Variants in PCLO observed in about 807,000 individuals in gnomAD.
PCLO encodes piccolo presynaptic cytomatrix protein.
Under a neutral mutation model 427.5 loss-of-function variants are expected in PCLO, and 82 were observed. The observed-to-expected ratio is 0.19, with a 90% CI of 0.16 to 0.23. The LOEUF (loss-of-function observed/expected upper bound fraction) is 0.23, where lower values mean the gene tolerates loss of function less well. Among genes scored for constraint, PCLO ranks in the 10% least tolerant of loss-of-function variants. The pLI is 1.00. For missense variants in PCLO, 6,239 were observed against 6,115.9 expected (o/e 1.02, Z -0.67); for synonymous variants, 2,357 against 2,155.4 (o/e 1.09, Z -2.59).
At chr7:82,996,761 C>A (rs1193710432) in intron 3 of PCLO, among the ~76,000 whole-genome samples, 1 of 151,952 alleles carries the variant, frequency 6.6e-6, no homozygotes, top group Non-Finnish European at 1.5e-5. Flanking sequence ...ACTATAGTGA[C>A]TTTCTCTTTG....
At chr7:82,772,033 G>C (rs1005417856) in intron 22 of PCLO, among the ~76,000 whole-genome samples, 3 of 152,020 alleles carry the variant, frequency 2.0e-5, no homozygotes, top group African/African-American at 4.8e-5. Flanking sequence ...TTGCTCTTCA[G>C]ACGTTTTATA....
chr7:83,154,363 T>C (rs958590276), intron 2 of PCLO, among the ~76,000 whole-genome samples: 96 of 152,350 alleles, frequency 6.3e-4, no homozygotes, highest in Non-Finnish European at 7.5e-4. Context: ...CCACTTTTTT[T>C]CTAACACAAA....
chr7:83,093,492 A>ATATATATATATATATTTTTTTTTTTTTTT, intron 3 of PCLO, among the ~76,000 whole-genome samples: 1 of 59,342 alleles, frequency 1.7e-5, no homozygotes, highest in African/African-American at 5.4e-5. Flanking sequence ...ATATATATAT[A>ATATATATATATATATTTTTTTTTTTTTTT]TTTTTTTTTT....
At position 82,916,424 on chromosome 7, in the gene PCLO, C is replaced by T. The variant is rs776904598; in HGVS notation, c.11562G>A (p.Glu3854=). ...CAGTTTGGGGAGCAGTTCTTGGTCG[C>T]TCAATGCCATGCTGACTTTCTATTC... The part of the protein sequence containing the change: ...PTRIESQHGI[E]RPRTAPQTEF... The change falls in exon 7 of 25, where the codon GAG becomes GAA. Residue 3854 remains glutamate, a synonymous_variant. Coordinates refer to ENST00000333891, the MANE Select transcript of PCLO (RefSeq NM_033026.6). 1.9e-6 allele frequency: 3 copies of T among 1,613,680 alleles called. No homozygotes were observed. The South Asian group carries it at 3.3e-5, about 18-fold the overall frequency.
chr7:82,765,150 T>C (rs1790507878), intron 22 of PCLO, among the ~76,000 whole-genome samples: 2 of 151,728 alleles, frequency 1.3e-5, no homozygotes, highest in Admixed American at 1.3e-4. Flanking sequence ...AATACAGAAG[T>C]TCTGAAAAAT....
chr7:82,791,916 A>T (rs890309679), intron 22 of PCLO, among the ~76,000 whole-genome samples: 9 of 152,076 alleles, frequency 5.9e-5, no homozygotes, highest in Non-Finnish European at 1.2e-4. Context: ...TGTCATTTTT[A>T]AAAATTCTGA....
chr7:83,096,069 T>G (rs1377964237), intron 3 of PCLO, among the ~76,000 whole-genome samples: 1 of 152,088 alleles, frequency 6.6e-6, no homozygotes, highest in East Asian at 1.9e-4. Flanking sequence ...CTAACACACC[T>G]CAATTTCAAC....
chr7:82,802,384 A>G (rs1791373331), intron 21 of PCLO, among the ~76,000 whole-genome samples: 1 of 152,176 alleles, frequency 6.6e-6, no homozygotes, highest in Admixed American at 6.5e-5. Flanking sequence ...TTCAACCAAA[A>G]TCTGCTAATC....
Position 83,154,990 on chromosome 7 carries a change from C to T in PCLO, c.1651G>A (p.Ala551Thr). ...CTTACTGGTTTTGTAGATTGCTGAG[C>T]CGAGGGCTTTGCTGGGCTAGGCTGT... Reference protein sequence around the residue: ...AQQPSPAKPSAQQSTKPVSQT... With the variant: ...AQQPSPAKPSTQQSTKPVSQT... Residue 551 changes from alanine to threonine, a missense_variant, in exon 2 of 25, where the codon GCT (alanine) becomes ACT (threonine). Transcript: ENST00000333891. 2.5e-6 allele frequency: 4 copies of T among 1,613,950 alleles called. No homozygotes were observed. The highest frequency in any genetic ancestry group is 3.4e-6 in the Non-Finnish European group (4 of 1,179,874).
intron 22 of PCLO, among the ~76,000 whole-genome samples, chr7:82,766,171 A>C (rs1790528348): frequency 6.6e-6 from 1 of 152,112 alleles, no homozygotes; most frequent in Non-Finnish European, 1.5e-5. Context: ...CTAGGAAAAA[A>C]TCAAAATAAA....
rs116200915 is a variant in PCLO at position 82,950,241 on chromosome 7, G to A, written c.10347C>T (p.Asp3449=). The A allele has an allele frequency of 5.8e-4, 937 of 1,612,516 alleles. 3 individuals are homozygous for A. The African/African-American group carries it at 0.011, about 18-fold the overall frequency. Residue 3449 remains aspartate (D), a synonymous_variant, in exon 6 of 25, where the codon GAC becomes GAT. Transcript: ENST00000333891. The stretch of plus-strand genomic sequence containing the variant: ...CATAGCTCCGATCTGTGGCATCTTC[G>A]TCATCCGTTTGTACACCACTGTCCA... ...KIVDSGVQTD[D]EDATDRSYVS... is the part of the protein sequence containing the mutation.
intron 10 of PCLO, among the ~76,000 whole-genome samples, chr7:82,874,916 C>T (rs556415086): frequency 5.3e-5 from 8 of 152,232 alleles, no homozygotes; most frequent in African/African-American, 1.7e-4. Flanking sequence ...AGCCTCAACA[C>T]TGTTGGTCAA....
chr7:82,904,840 A>C (rs1014141214), intron 8 of PCLO, among the ~76,000 whole-genome samples: 2 of 152,016 alleles, frequency 1.3e-5, no homozygotes, highest in Non-Finnish European at 2.9e-5. Flanking sequence ...CATCTCATAC[A>C]ATCTCCTATA....
rs568651990 is a variant in PCLO, at chr7:82,928,678, A to T, written c.11113-11805T>A. Among the ~76,000 whole-genome samples the T allele has an allele frequency of 3.8e-4, 58 of 152,236 alleles. No homozygotes were observed. In the East Asian group the frequency reaches 9.3e-3, roughly 24 times the overall value. On this transcript the variant is annotated intron_variant, in intron 6 of 24. Coordinates refer to ENST00000333891, the MANE Select transcript of PCLO (RefSeq NM_033026.6). ...GCATGAGCCACCGCGCCTGGCCTGA[A>T]AGAGAAATATTTTAAACATGGGTAT...
In PCLO at chr7:83,073,911, A is replaced by G. The variant is rs140866251; in HGVS notation, c.3300+60339T>C. On this transcript the variant is annotated intron_variant, in intron 3 of 24. Transcript: ENST00000333891. ...TCCAGGTAAAAAGAACTTCAGAGCA[A>G]TTAAAACAAGTCCCATTTAGATATT... Among the ~76,000 whole-genome samples, 83 of 151,776 alleles carry G rather than the reference A, an allele frequency of 5.5e-4. 1 individual carries two copies. The East Asian group carries it at 0.014, about 25-fold the overall frequency.
chr7:82,938,298 T>A (rs1795002578), intron 6 of PCLO, among the ~76,000 whole-genome samples: 2 of 151,976 alleles, frequency 1.3e-5, no homozygotes. Context: ...AGCAAGACAC[T>A]GTATTTCTAA....
At chr7:83,148,012 T>C (rs1792036869) in intron 2 of PCLO, among the ~76,000 whole-genome samples, 1 of 152,198 alleles carries the variant, frequency 6.6e-6, no homozygotes, top group East Asian at 1.9e-4. Context: ...ATTATCTGTT[T>C]TTAGGAATAG....
At chr7:83,048,693 C>G (rs1789160296) in intron 3 of PCLO, among the ~76,000 whole-genome samples, 1 of 152,136 alleles carries the variant, frequency 6.6e-6, no homozygotes, top group Non-Finnish European at 1.5e-5. Context: ...GGTATGATTA[C>G]AAGCTTGTGA....
chr7:82,761,781 C>A (rs1408139002), intron 22 of PCLO, among the ~76,000 whole-genome samples: 1 of 151,934 alleles, frequency 6.6e-6, no homozygotes, highest in Non-Finnish European at 1.5e-5. Flanking sequence ...AGTGAAGAAT[C>A]TTATGGGTAG....
Sources: gnomAD v4.1 joint callset for allele counts (sites outside exome capture counted in the v4.1 genomes callset) on GRCh38, gnomAD v4.1.1 for gene constraint, MANE v1.5 for transcripts, NCBI Gene and HGNC (gene_info 2026-07-23, HGNC 2026-07-21) for gene names.